Variants in PIGN observed in about 807,000 individuals in gnomAD.
PIGN encodes the protein GPI ethanolamine phosphate transferase 1.
Under a neutral mutation model 125.4 loss-of-function variants are expected in PIGN, and 117 were observed. The observed-to-expected ratio is 0.93, with a 90% confidence interval of 0.80 to 1.09. The LOEUF (loss-of-function observed/expected upper bound fraction) is 1.09. Among genes scored for constraint, PIGN ranks in the 50% least tolerant of loss-of-function variants. The probability of loss-of-function intolerance (pLI) is 0.00; values close to 1 mark genes in which losing one functional copy is unlikely to be tolerated. For synonymous variants in PIGN, 392 were observed against 377.8 expected (o/e 1.04, Z -0.44); for missense variants, 1,075 against 1,094.9 (o/e 0.98, Z 0.26).
chr18:62,059,164 C>T (rs1248328379), intron 30 of PIGN: 3 of 132,830 alleles, frequency 2.3e-5, no homozygotes, highest in African/African-American at 8.7e-5. Flanking sequence ...ACCCTGAGAC[C>T]CTGTCTCAAA....
At chr18:62,167,529 G>A (rs1599675902) in intron 1 of PIGN, among the ~76,000 whole-genome samples, 1 of 151,180 alleles carries the variant, frequency 6.6e-6, no homozygotes, top group Admixed American at 6.6e-5. Context: ...CTACTCGGGA[G>A]GCTGAGGCAG....
At chr18:62,086,259 T>G (rs568664542) in intron 25 of PIGN, among the ~76,000 whole-genome samples, 83 of 152,156 alleles carry the variant, frequency 5.5e-4, no homozygotes, top group Non-Finnish European at 8.4e-4. Flanking sequence ...GATAGGAACT[T>G]AGACTTTATC....
chr18:62,116,993 T>C (rs1050332265), intron 14 of PIGN, among the ~76,000 whole-genome samples: 5 of 152,100 alleles, frequency 3.3e-5, no homozygotes, highest in African/African-American at 4.8e-5. Flanking sequence ...TGTTATGTTA[T>C]ATTATATTGG....
At chr18:62,127,711 G>C (rs543693190) in intron 14 of PIGN, among the ~76,000 whole-genome samples, 2 of 151,814 alleles carry the variant, frequency 1.3e-5, no homozygotes, top group East Asian at 3.9e-4. Flanking sequence ...TGTTTTTTGA[G>C]ACAAGGTATT....
intron 30 of PIGN, among the ~76,000 whole-genome samples, chr18:62,057,861 C>A (rs1307724235): frequency 1.3e-5 from 2 of 152,216 alleles, no homozygotes; most frequent in Admixed American, 1.3e-4. Context: ...TCACAGGACA[C>A]TTTGCCAACA....
intron 1 of PIGN, among the ~76,000 whole-genome samples, chr18:62,179,657 G>A (rs1281009298): frequency 1.3e-5 from 2 of 152,096 alleles, no homozygotes; most frequent in Non-Finnish European, 2.9e-5. Flanking sequence ...GAGGCAGGAG[G>A]ATTGCTTGAA....
Position 62,114,616 on chromosome 18 carries a change from A to C in PIGN, c.1196T>G (p.Phe399Cys), listed in dbSNP as rs1201393219. 5 of 1,516,196 alleles carry C rather than the reference A, an allele frequency of 3.3e-6. No homozygotes were observed. Among genetic ancestry groups the C allele is most frequent in the Non-Finnish European group, 2.7e-6 (3 of 1,115,796 alleles). The allele number at this position is 1,516,196 out of a possible 1,614,324, so 93.9% of individuals were successfully genotyped here. A position where few individuals can be genotyped will look rare whatever the true frequency, so the allele number is the denominator to read the frequency against. The stretch of plus-strand genomic sequence containing the variant: ...AGATCTTGCTTTTCTTAAAATGTTG[A>C]ACTGTTTGGAATCAGAAAGCAGTCT... ...PFKLLSDSKQ[F>C]NILRKARSYI... Residue 399 changes from phenylalanine to cysteine, a missense_variant, in exon 15 of 31, where the codon TTC (phenylalanine) becomes TGC (cysteine). Physicochemically the swap from Phe to Cys is radical, Grantham distance 205 (BLOSUM62 -2). Around this residue, in one of 3 missense-constraint regions of PIGN, gnomAD observed 915 missense variants for 908.7 expected, o/e 1.01. Coordinates refer to ENST00000640252, the MANE Select transcript of PIGN (RefSeq NM_176787.5).
chr18:62,117,179 T>A (rs1313656307), intron 14 of PIGN, among the ~76,000 whole-genome samples: 1 of 152,116 alleles, frequency 6.6e-6, no homozygotes, highest in Non-Finnish European at 1.5e-5. Flanking sequence ...AAGACTCTCA[T>A]ACACTTGTCC....
At chr18:62,145,301 G>A (rs1477206217) in intron 10 of PIGN, among the ~76,000 whole-genome samples, 3 of 152,110 alleles carry the variant, frequency 2.0e-5, no homozygotes, top group Admixed American at 1.3e-4. Flanking sequence ...CTCCCCTGTG[G>A]ACCTATGATG....
chr18:62,180,910 T>G lies in PIGN; in HGVS notation c.-236+5934A>C, dbSNP rs576524931. Among the ~76,000 whole-genome samples the G allele has an allele frequency of 2.6e-5, 4 of 152,308 alleles. No homozygotes were observed. In the East Asian group the frequency reaches 7.7e-4, roughly 29 times the overall value. ...TGTCTTGTACTATAGAAGAAAACTT[T>G]CCTGGTTCTTATGTCACATATATTC... On this transcript the variant is annotated intron_variant, in intron 1 of 30. Transcript: ENST00000640252.
chr18:62,063,203 C>CTTTATCCAAAATCTATGGCTTTATAGAT (rs2032287296), intron 30 of PIGN, among the ~76,000 whole-genome samples: 1 of 149,144 alleles, frequency 6.7e-6, no homozygotes, highest in Admixed American at 6.7e-5. Context: ...CTAGAAATTT[C>CTTTATCCAAAATCTATGGCTTTATAGAT]TTTATCCAAA....
At chr18:62,033,613 T>C (rs1317541857) in intron 23 of PIGN, among the ~76,000 whole-genome samples, 6 of 152,254 alleles carry the variant, frequency 3.9e-5, no homozygotes, top group East Asian at 3.8e-4. Context: ...TGTAGAACTA[T>C]GCTTATTTGA....
intron 30 of PIGN, among the ~76,000 whole-genome samples, chr18:62,051,412 T>C (rs1293791178): frequency 6.6e-6 from 1 of 152,206 alleles, no homozygotes; most frequent in Non-Finnish European, 1.5e-5. Flanking sequence ...ATTCAACTTC[T>C]TCCTGGTTTA....
At chr18:62,182,796 G>A (rs1015412870) in intron 1 of PIGN, among the ~76,000 whole-genome samples, 11 of 152,082 alleles carry the variant, frequency 7.2e-5, no homozygotes, top group Non-Finnish European at 1.2e-4. Flanking sequence ...GCAACAACAC[G>A]GATGTTCCTG....
At chr18:62,154,733 T>C (rs555668695) in intron 6 of PIGN, 82 bp from the exon 7 acceptor site, 27 of 719,714 alleles carry the variant, frequency 3.8e-5, no homozygotes, top group Admixed American at 6.8e-5. Flanking sequence ...ATTCACAGAT[T>C]TTTGTGAGTA....
intron 1 of PIGN, chr18:62,184,431 C>A (rs1011432723): frequency 6.6e-6 from 1 of 151,986 alleles, no homozygotes. Flanking sequence ...AAGTAGTGAT[C>A]GGTAATTTTT....
chr18:62,078,035 C>T (rs2033262957), intron 28 of PIGN, among the ~76,000 whole-genome samples: 1 of 152,208 alleles, frequency 6.6e-6, no homozygotes, highest in South Asian at 2.1e-4. Context: ...CATATCACCT[C>T]ATTTTAGTTA....
intron 23 of PIGN, among the ~76,000 whole-genome samples, chr18:62,090,791 ATG>A (rs1234518219): frequency 2.6e-5 from 4 of 152,180 alleles, no homozygotes; most frequent in African/African-American, 9.6e-5. Flanking sequence ...TGAGATAATT[ATG>A]TGTTTAAAAT....
intron 3 of PIGN, among the ~76,000 whole-genome samples, chr18:62,161,670 T>C (rs1448797001): frequency 2.6e-5 from 4 of 152,126 alleles, no homozygotes; most frequent in African/African-American, 4.8e-5. Context: ...AATAAGCTCA[T>C]AAAAATTAGC....
Sources: allele counts gnomAD v4.1 joint callset (sites outside exome capture counted in the v4.1 genomes callset), GRCh38; gene constraint gnomAD v4.1.1; regional missense constraint gnomAD v4.1.1; transcripts MANE v1.5; gene names NCBI Gene and HGNC (gene_info 2026-07-23, HGNC 2026-07-21).